TRPM3: variants seen among roughly 807,000 people sequenced by gnomAD.
TRPM3 encodes transient receptor potential cation channel subfamily M member 3.
A neutral mutation model predicts 181.2 loss-of-function variants in TRPM3; 77 were observed. That is an observed-to-expected ratio of 0.42 (90% CI 0.35 to 0.51). The LOEUF (loss-of-function observed/expected upper bound fraction) is 0.51. Ranked by LOEUF, TRPM3 falls within the 20% of genes least tolerant of loss-of-function variation. TRPM3 has a pLI of 0.01. For missense variants in TRPM3, 1,759 were observed against 2,196.7 expected, an observed-to-expected ratio of 0.80 and a Z score of 3.98; for synonymous variants, 745 against 796.4, an observed-to-expected ratio of 0.94 and a Z score of 1.09.
chr9:71,097,933 C>T (rs1023019475), intron 1 of TRPM3, among the ~76,000 whole-genome samples: 2 of 152,030 alleles, frequency 1.3e-5, no homozygotes, highest in Non-Finnish European at 2.9e-5. Flanking sequence ...TAAATCTGTC[C>T]AGCAAGGGAA....
intron 1 of TRPM3, among the ~76,000 whole-genome samples, chr9:71,148,126 A>C (rs980338210): frequency 6.6e-6 from 1 of 151,980 alleles, no homozygotes; most frequent in Non-Finnish European, 1.5e-5. Flanking sequence ...AAAAAATCTC[A>C]ATTTATTACA....
At chr9:71,012,874 T>C (rs1035363110) in intron 1 of TRPM3, among the ~76,000 whole-genome samples, 36 of 152,254 alleles carry the variant, frequency 2.4e-4, no homozygotes, top group African/African-American at 8.7e-4. Context: ...CTTTAGTACA[T>C]TTGCTCTTGT....
chr9:70,674,563 A>AT lies in TRPM3; in HGVS notation c.1345+6942dup, dbSNP rs71507005. Among the ~76,000 whole-genome samples the AT allele has an allele frequency of 7.9e-5, 12 of 151,440 alleles. No individual in the cohort carries two copies. In the South Asian group the frequency reaches 1.3e-3, roughly 16 times the overall value. ...GTCATTTCAAAACATTATATATATAATTTTTTTTTTGAGAGAGATAGGGTC... is the reference window on the plus strand; with the variant it reads ...GTCATTTCAAAACATTATATATATAATTTTTTTTTTTGAGAGAGATAGGGTC... On this transcript the variant is annotated intron_variant, in intron 9 of 25. Transcript: ENST00000677713.
intron 1 of TRPM3, among the ~76,000 whole-genome samples, chr9:70,960,161 T>C (rs1161492649): frequency 6.6e-6 from 1 of 151,904 alleles, no homozygotes; most frequent in Admixed American, 6.6e-5. Context: ...GAGACATAGC[T>C]ACAGTTAATT....
intron 6 of TRPM3, among the ~76,000 whole-genome samples, chr9:70,823,016 G>T (rs887962727): frequency 2.0e-5 from 3 of 152,046 alleles, no homozygotes; most frequent in Admixed American, 6.6e-5. Context: ...AGCATCTCTG[G>T]CATCCTGACC....
chr9:70,908,204 G>A (rs1367049561), intron 1 of TRPM3, among the ~76,000 whole-genome samples: 3 of 152,156 alleles, frequency 2.0e-5, no homozygotes, highest in Non-Finnish European at 4.4e-5. Flanking sequence ...AGGCTCCCAG[G>A]AACCTGTGTA....
intron 6 of TRPM3, among the ~76,000 whole-genome samples, chr9:70,800,377 T>C (rs2088587742): frequency 6.6e-6 from 1 of 152,210 alleles, no homozygotes; most frequent in African/African-American, 2.4e-5. Flanking sequence ...GAAGTAGCCA[T>C]TGCTGAGCAC....
At chr9:70,850,471 T>C (rs900732897) in intron 3 of TRPM3, among the ~76,000 whole-genome samples, 23 of 152,310 alleles carry the variant, frequency 1.5e-4, no homozygotes, top group African/African-American at 5.1e-4. Context: ...AAGAACACTT[T>C]GGAGGTGTTG....
intron 22 of TRPM3, among the ~76,000 whole-genome samples, chr9:70,581,227 G>C (rs1005227797): frequency 6.6e-6 from 1 of 151,636 alleles, no homozygotes; most frequent in Admixed American, 6.6e-5. Context: ...CCTGAATTGA[G>C]TGTGTCACTA....
At chr9:71,256,319 C>T (rs973690004) in intron 1 of TRPM3, among the ~76,000 whole-genome samples, 1 of 152,088 alleles carries the variant, frequency 6.6e-6, no homozygotes, top group Non-Finnish European at 1.5e-5. Context: ...GCCCCTCTCT[C>T]GACAGTGGTG....
chr9:71,418,479 T>C (rs1168864270), intron 1 of TRPM3, among the ~76,000 whole-genome samples: 1 of 151,782 alleles, frequency 6.6e-6, no homozygotes, highest in African/African-American at 2.4e-5. Flanking sequence ...AGCCTCTAAT[T>C]GCCTATGCTC....
At chr9:70,748,645 C>T (rs2135014826) in intron 8 of TRPM3, among the ~76,000 whole-genome samples, 1 of 152,234 alleles carries the variant, frequency 6.6e-6, no homozygotes, top group African/African-American at 2.4e-5. Context: ...TGCTTGCCCC[C>T]TCCACCACAT....
At chr9:70,898,749 A>AAC (rs765657989) in intron 1 of TRPM3, among the ~76,000 whole-genome samples, 2 of 29,222 alleles carry the variant, frequency 6.8e-5, no homozygotes, top group Non-Finnish European at 1.9e-4. Context: ...CTTCATCTCA[A>AAC]AAAAAAAAAA....
At chr9:71,423,461 T>C (rs1241336296) in intron 1 of TRPM3, among the ~76,000 whole-genome samples, 2 of 152,038 alleles carry the variant, frequency 1.3e-5, no homozygotes, top group Non-Finnish European at 2.9e-5. Context: ...CATTCCTTTG[T>C]TTACTGAGAA....
In TRPM3 at chr9:71,414,166, T is replaced by G. The variant is rs149361295; in HGVS notation, c.183+32487A>C. On this transcript the variant is annotated intron_variant, in intron 1 of 24. Transcript: ENST00000357533. ...TCTCTCTCACAAGCTGCATGTCCTG[T>G]GGTCTACAAAGCTAAAAGATACTAT... is the stretch of plus-strand genomic sequence containing the variant. Among the ~76,000 whole-genome samples the G allele has an allele frequency of 5.6e-4, 86 of 152,250 alleles. 1 individual carries two copies. The highest frequency in any genetic ancestry group is 1.9e-3 in the African/African-American group (81 of 41,570).
chr9:70,753,340 G>A (rs1432657772), intron 8 of TRPM3, among the ~76,000 whole-genome samples: 1 of 152,138 alleles, frequency 6.6e-6, no homozygotes, highest in Non-Finnish European at 1.5e-5. Context: ...AAAAGAATAA[G>A]AGGAAGTGGC....
chr9:70,938,533 C>T (rs1589920228), intron 1 of TRPM3, among the ~76,000 whole-genome samples: 1 of 152,140 alleles, frequency 6.6e-6, no homozygotes, highest in Non-Finnish European at 1.5e-5. Flanking sequence ...TTCTTGTCCT[C>T]CAACATTCTT....
intron 1 of TRPM3, among the ~76,000 whole-genome samples, chr9:71,265,143 A>T (rs2083298939): frequency 1.3e-5 from 2 of 152,218 alleles, no homozygotes; most frequent in Admixed American, 1.3e-4. Context: ...TTCATGATGC[A>T]AAGAAAAAAC....
rs2041540572 is a variant in TRPM3, at chr9:70,535,662, G to A, written c.*291C>T. The A allele has an allele frequency of 2.1e-6, 3 of 1,441,628 alleles. No homozygotes were observed. The highest frequency in any genetic ancestry group is 2.7e-6 in the Non-Finnish European group (3 of 1,105,596). The allele number at this position is 1,441,628 out of a possible 1,614,324, so 89.3% of individuals were successfully genotyped here. A position where few individuals can be genotyped will look rare whatever the true frequency, so the allele number is the denominator to read the frequency against. On this transcript the variant is annotated 3_prime_UTR_variant, in exon 26 of 26. Transcript: ENST00000677713. ...TCCCCTGCTCTCATGGCTTTCTGCT[G>A]TGACTGCGGATACACATTCATCTCT...
Sources: gnomAD v4.1 joint callset for allele counts (sites outside exome capture counted in the v4.1 genomes callset) on GRCh38, gnomAD v4.1.1 for gene constraint, MANE v1.5 for transcripts, NCBI Gene and HGNC (gene_info 2026-07-23, HGNC 2026-07-21) for gene names.